The following LIPM variants were observed in gnomAD, a reference collection of about 807,000 sequenced individuals.
The protein encoded by LIPM is lipase family member M.
A neutral mutation model predicts 42.4 loss-of-function variants in LIPM; 42 were observed. That is an observed-to-expected ratio of 0.99 (90% CI 0.77 to 1.28). The LOEUF (loss-of-function observed/expected upper bound fraction) is 1.28. LIPM is among the 50% of genes most tolerant of loss of function. The probability of loss-of-function intolerance (pLI) is 0.00; values close to 1 mark genes in which losing one functional copy is unlikely to be tolerated. For synonymous variants in LIPM, 177 were observed against 173.3 expected, an observed-to-expected ratio of 1.02 and a Z score of -0.17; for missense variants, 524 against 520.1, an observed-to-expected ratio of 1.01 and a Z score of -0.07.
chr10:88,819,893 G>A (rs1456783251), intron 8 of LIPM, among the ~76,000 whole-genome samples: 4 of 152,062 alleles, frequency 2.6e-5, no homozygotes, highest in African/African-American at 9.7e-5. Context: ...AAGAACAGGG[G>A]CATTATTTTT....
Position 88,803,731 on chromosome 10 carries a change from A to G in LIPM, c.147+688A>G, listed in dbSNP as rs1020225920. 6.6e-5 allele frequency among the ~76,000 whole-genome samples: 10 copies of G among 151,478 alleles called. No individual in the cohort carries two copies. In the Admixed American group the frequency reaches 6.6e-4, roughly 10 times the overall value. On this transcript the variant is annotated intron_variant, in intron 1 of 8. Coordinates refer to ENST00000404743, the MANE Select transcript of LIPM (RefSeq NM_001128215.1). ...CAGGGATTATGACACAAGCAGAGAT[A>G]CTATTCTATTTCAATTTCATTGCCC...
At chr10:88,815,909 A>T (rs1278266862) in intron 6 of LIPM, among the ~76,000 whole-genome samples, 1 of 152,170 alleles carries the variant, frequency 6.6e-6, no homozygotes, top group Non-Finnish European at 1.5e-5. Flanking sequence ...TTAGGCTACC[A>T]GTTGGTATCA....
chr10:88,803,880 A>G (rs1425480959), intron 1 of LIPM, among the ~76,000 whole-genome samples: 2 of 152,306 alleles, frequency 1.3e-5, no homozygotes, highest in East Asian at 3.9e-4. Context: ...AGGACTGCCT[A>G]AACACAAAGT....
chr10:88,815,153 C>G lies in LIPM; in HGVS notation c.640C>G (p.Pro214Ala). ...QKIKMYFALA[P>A]IATVKHAKSP... ...AATCAAAATGTATTTTGCTTTAGCA[C>G]CCATAGCCACTGTTAAGCATGCAAA... is the stretch of plus-strand genomic sequence containing the variant. The change falls in exon 5 of 9, where the codon CCC (proline) becomes GCC (alanine). Residue 214 changes from proline (P) to alanine (A), a missense_variant. Physicochemically the swap from Pro to Ala is conservative, Grantham distance 27 (BLOSUM62 -1). Coordinates refer to ENST00000404743, the MANE Select transcript of LIPM (RefSeq NM_001128215.1). The G allele has an allele frequency of 6.4e-7, 1 of 1,551,778 alleles. No homozygotes were observed. Among genetic ancestry groups the G allele is most frequent in the South Asian group, 1.2e-5 (1 of 84,028 alleles).
intron 2 of LIPM, 23 bp downstream of exon 2, chr10:88,808,438 G>A (rs758357375): frequency 2.6e-5 from 34 of 1,293,092 alleles, no homozygotes; most frequent in Admixed American, 4.0e-5. Context: ...CCATGTCACC[G>A]CAACACAGCA....
chr10:88,819,370 G>T (rs2133064721), intron 8 of LIPM, among the ~76,000 whole-genome samples: 1 of 152,236 alleles, frequency 6.6e-6, no homozygotes, highest in African/African-American at 2.4e-5. Context: ...TCACCTGTAA[G>T]ATGACAAAAA....
At chr10:88,814,442 G>A in intron 3 of LIPM, 88 bp from the exon 4 acceptor site, 3 of 827,902 alleles carry the variant, frequency 3.6e-6, no homozygotes, top group Middle Eastern at 2.6e-4. Context: ...GACAACTCAA[G>A]GGCTTGTTTG....
intron 3 of LIPM, 123 bp from the exon 4 acceptor site, chr10:88,814,407 G>A (rs1843692281): frequency 1.5e-6 from 1 of 649,152 alleles, no homozygotes; most frequent in Admixed American, 2.5e-5. Flanking sequence ...TGTTGTGAGG[G>A]ACACGGTAAC....
Position 88,808,405 on chromosome 10 carries a change from TAAGAA to T in LIPM, c.256_260del (p.Lys86AspfsTer18). ...GGATTCCTCGAGGCCTAGTGCAACC[TAAGAA>T]GACAGGTGTGGGTCACCCCATGTCA... On this transcript the variant is annotated frameshift_variant, in exon 2 of 9. Transcript: ENST00000404743. LOFTEE classifies it high-confidence loss of function. 1 of 1,546,318 alleles carries T rather than the reference TAAGAA, an allele frequency of 6.5e-7. No individual in the cohort carries two copies. The highest frequency in any genetic ancestry group is 8.8e-7 in the Non-Finnish European group (1 of 1,141,960).
chr10:88,814,461 G>T (rs1843693023), intron 3 of LIPM, 69 bp from the exon 4 acceptor site: 2 of 1,031,640 alleles, frequency 1.9e-6, no homozygotes, highest in Non-Finnish European at 1.5e-6. Context: ...TGTAAACCTG[G>T]TGTCGGGGGG....
chr10:88,803,860 A>G (rs907529607), intron 1 of LIPM, among the ~76,000 whole-genome samples: 1 of 152,220 alleles, frequency 6.6e-6, no homozygotes, highest in African/African-American at 2.4e-5. Context: ...CATAGCTACT[A>G]TTTAAATTCA....
At chr10:88,810,721 C>T (rs1050258365) in intron 2 of LIPM, among the ~76,000 whole-genome samples, 1 of 152,132 alleles carries the variant, frequency 6.6e-6, no homozygotes, top group African/African-American at 2.4e-5. Context: ...ACACACTTAC[C>T]TGCTGGGTGT....
intron 2 of LIPM, among the ~76,000 whole-genome samples, chr10:88,810,834 G>C (rs946194942): frequency 1.3e-5 from 2 of 152,242 alleles, no homozygotes; most frequent in East Asian, 3.9e-4. Context: ...GTAGAACCAA[G>C]GTGACCTTAA....
intron 2 of LIPM, among the ~76,000 whole-genome samples, chr10:88,809,317 T>G (rs1843626584): frequency 6.6e-6 from 1 of 152,190 alleles, no homozygotes; most frequent in Non-Finnish European, 1.5e-5. Context: ...CCCTTTTGTA[T>G]GTGGGATTTT....
Position 88,813,278 on chromosome 10 carries a change from T to C in LIPM, c.447T>C (p.Asp149=), listed in dbSNP as rs758580647. 10 of 1,606,946 alleles carry C rather than the reference T, an allele frequency of 6.2e-6. No homozygotes were observed. In the South Asian group the frequency reaches 1.1e-4, roughly 18 times the overall value. ...RKHKTLSIDQ[D]EFWAFSYDEM... is the part of the protein sequence containing the mutation. The stretch of plus-strand genomic sequence containing the variant: ...ACAAGACACTCTCCATAGACCAAGA[T>C]GAGTTCTGGGCTTTCAGGTATATGA... The change falls in exon 3 of 9, where the codon GAT becomes GAC. Residue 149 remains aspartate (D), a synonymous_variant. Transcript: ENST00000404743.
At chr10:88,809,137 T>A (rs1481217639) in intron 2 of LIPM, among the ~76,000 whole-genome samples, 2 of 151,990 alleles carry the variant, frequency 1.3e-5, no homozygotes, top group East Asian at 3.9e-4. Context: ...GTATTTTTGG[T>A]AGAGACAGAG....
intron 3 of LIPM, among the ~76,000 whole-genome samples, 184 bp downstream of exon 3, chr10:88,813,479 T>C (rs988144464): frequency 7.9e-5 from 12 of 152,148 alleles, no homozygotes; most frequent in African/African-American, 2.7e-4. Flanking sequence ...GAATGCTGAG[T>C]TCCCCATGTA....
chr10:88,803,194 A>T (rs994605341), intron 1 of LIPM, among the ~76,000 whole-genome samples, 151 bp downstream of exon 1: 4 of 152,210 alleles, frequency 2.6e-5, no homozygotes, highest in Non-Finnish European at 4.4e-5. Flanking sequence ...AAAGAATGCT[A>T]AACTGGATGT....
intron 2 of LIPM, among the ~76,000 whole-genome samples, chr10:88,808,676 T>C (rs892871918): frequency 6.6e-6 from 1 of 152,176 alleles, no homozygotes; most frequent in East Asian, 1.9e-4. Flanking sequence ...TGACTTATTT[T>C]AGCGCTTAAC....
Sources: gnomAD v4.1 joint callset for allele counts (sites outside exome capture counted in the v4.1 genomes callset) on GRCh38, gnomAD v4.1.1 for gene constraint, MANE v1.5 for transcripts, NCBI Gene and HGNC (gene_info 2026-07-23, HGNC 2026-07-21) for gene names.